The following KEAP1 variants were observed in gnomAD, a reference collection of about 807,000 sequenced individuals.
KEAP1 encodes kelch-like ECH-associated protein 1.
In KEAP1, 26 loss-of-function variants were observed where a neutral mutation model predicts 59.7. The observed-to-expected ratio is 0.44, with a 90% CI of 0.32 to 0.60. The LOEUF (loss-of-function observed/expected upper bound fraction) is 0.60, where lower values mean the gene tolerates loss of function less well. Ranked by LOEUF, KEAP1 falls within the 20% of genes least tolerant of loss-of-function variation. KEAP1 has a pLI of 0.06. For synonymous variants in KEAP1, 350 were observed against 358.3 expected (o/e 0.98, Z 0.26); for missense variants, 539 against 871.4 (o/e 0.62, Z 4.80).
intron 2 of KEAP1, among the ~76,000 whole-genome samples, chr19:10,493,578 T>G (rs1914752141): frequency 1.4e-5 from 2 of 147,528 alleles, no homozygotes; most frequent in Non-Finnish European, 1.5e-5. Flanking sequence ...TTTTTTTTTT[T>G]TGAGATGGAG....
chr19:10,490,686 A>T (rs2144594057), intron 3 of KEAP1: 1 of 152,230 alleles, frequency 6.6e-6, no homozygotes, highest in South Asian at 2.1e-4. Context: ...CTACAGGTGC[A>T]CACCACCGTG....
intron 2 of KEAP1, among the ~76,000 whole-genome samples, chr19:10,495,281 A>T (rs1448496821): frequency 6.6e-6 from 1 of 152,136 alleles, no homozygotes; most frequent in Non-Finnish European, 1.5e-5. Flanking sequence ...CAAAGCACTG[A>T]GATTATACGC....
chr19:10,486,456 C>T lies in KEAP1; in HGVS notation c.*196G>A, dbSNP rs758919228. On this transcript the variant is annotated 3_prime_UTR_variant, in exon 6 of 6. Transcript: ENST00000171111. Reference sequence around the variant, plus strand: ...CCAGCCAGGCTGTCTTGGACACTCCCGGGGCTCCGCTGAGGGGCACATGAT... The same window carrying T: ...CCAGCCAGGCTGTCTTGGACACTCCTGGGGCTCCGCTGAGGGGCACATGAT... 1.1e-5 allele frequency: 7 copies of T among 629,522 alleles called. No homozygotes were observed. Among genetic ancestry groups the T allele is most frequent in the South Asian group, 3.7e-5 (2 of 54,326 alleles). 39.0% of individuals were successfully genotyped at this position (629,522 alleles called of 1,614,324 possible). A position where few individuals can be genotyped will look rare whatever the true frequency, so the allele number is the denominator to read the frequency against.
intron 2 of KEAP1, among the ~76,000 whole-genome samples, chr19:10,493,315 C>T (rs936616766): frequency 1.3e-5 from 2 of 149,542 alleles, no homozygotes; most frequent in Admixed American, 6.7e-5. Context: ...CCCGCGACCA[C>T]GCCCAGCTAA....
rs1173683506 is a variant in KEAP1 at position 10,498,437 on chromosome 19, C to T, written c.639+958G>A. Among the ~76,000 whole-genome samples, 4 of 152,030 alleles carry T rather than the reference C, an allele frequency of 2.6e-5. No homozygotes were observed. In the East Asian group the frequency reaches 5.8e-4, roughly 22 times the overall value. On this transcript the variant is annotated intron_variant, in intron 2 of 5. Coordinates refer to ENST00000171111, the MANE Select transcript of KEAP1 (RefSeq NM_203500.2). ...GGTCAGGCTGGTCTCAAACTCCTGA[C>T]CTCAGGTGAGCCACCCGCCTCAGCC...
chr19:10,502,989 C>T lies in KEAP1; in HGVS notation c.-48+252G>A, dbSNP rs1915097710. 1 of 152,074 alleles carries T rather than the reference C, an allele frequency of 6.6e-6. No homozygotes were observed. The allele number at this position is 152,074 out of a possible 1,614,324, so 9.4% of individuals were successfully genotyped here. Reference sequence around the variant, plus strand: ...CCTGAGCGCGCTTAGCCGCGTGGTCCGAGTCGCGGGGAGTCTGAACCCCGA... The same window carrying T: ...CCTGAGCGCGCTTAGCCGCGTGGTCTGAGTCGCGGGGAGTCTGAACCCCGA... On this transcript the variant is annotated intron_variant, in intron 1 of 5. Coordinates refer to ENST00000171111, the MANE Select transcript of KEAP1 (RefSeq NM_203500.2). This position sits in a 1 kb window ranked among gnomAD's most constrained non-coding sequence, Gnocchi z 4.0.
chr19:10,500,081 C>G lies in KEAP1; in HGVS notation c.-47-1G>C, dbSNP rs2144632187. On this transcript the variant is annotated splice_acceptor_variant, in intron 1 of 5. Transcript: ENST00000171111. LOFTEE classifies it low-confidence loss of function (5UTR_SPLICE). ...ACCACCACCTCTGGCACTCAGGGAC[C>G]TGGAGGGGAGAGAGCACAGGGCAGA... 1.3e-6 allele frequency: 2 copies of G among 1,512,530 alleles called. No homozygotes were observed. The highest frequency in any genetic ancestry group is 1.8e-6 in the Non-Finnish European group (2 of 1,131,502). The allele number at this position is 1,512,530 out of a possible 1,614,324, so 93.7% of individuals were successfully genotyped here. A position where few individuals can be genotyped will look rare whatever the true frequency, so the allele number is the denominator to read the frequency against.
In KEAP1 at chr19:10,489,724, A is replaced by C. The variant is rs141127507; in HGVS notation, c.1455T>G (p.Asn485Lys). 6.2e-7 allele frequency: 1 copy of C among 1,613,892 alleles called. No homozygotes were observed. The highest frequency in any genetic ancestry group is 1.3e-5 in the African/African-American group (1 of 74,918). The change falls in exon 4 of 6, where the codon AAT (asparagine) becomes AAG (lysine). Residue 485 changes from asparagine to lysine, a missense_variant. Physicochemically the swap from Asn to Lys is moderately conservative, Grantham distance 94 (BLOSUM62 0). This residue lies in a region of KEAP1 where 311 missense variants were observed against 425.2 expected (regional missense o/e 0.73). Transcript: ENST00000171111. ...VGGFDGTNRL[N>K]SAECYYPERN... is the part of the protein sequence containing the mutation. Reference sequence around the variant, plus strand: ...TCTCTGGGTAGTAACACTCAGCTGAATTAAGGCGGTTTGTCCCGTCAAAGC... The same window carrying C: ...TCTCTGGGTAGTAACACTCAGCTGACTTAAGGCGGTTTGTCCCGTCAAAGC...
chr19:10,502,926 A>G lies in KEAP1; in HGVS notation c.-48+315T>C, dbSNP rs919890730. On this transcript the variant is annotated intron_variant, in intron 1 of 5. Transcript: ENST00000171111. The surrounding 1 kb of genome is among the most constrained non-coding windows in gnomAD (Gnocchi z 4.0). ...GCTGTCGCCCAGCTGCGCGGCCACC[A>G]CGGCGCCCAGCATGGCGGCGGGGCG... The G allele has an allele frequency of 4.7e-4, 72 of 152,118 alleles. No individual in the cohort carries two copies. The highest frequency in any genetic ancestry group is 1.7e-3 in the African/African-American group (70 of 41,528). 9.4% of individuals were successfully genotyped at this position (152,118 alleles called of 1,614,324 possible).
At chr19:10,488,699 G>A (rs371641313) in intron 5 of KEAP1, among the ~76,000 whole-genome samples, 2 of 152,082 alleles carry the variant, frequency 1.3e-5, no homozygotes, top group Admixed American at 6.6e-5. Context: ...TTGGGAGGCC[G>A]AGGCAGGTGG....
chr19:10,486,306 G>T lies in KEAP1; in HGVS notation c.*346C>A. On this transcript the variant is annotated 3_prime_UTR_variant, in exon 6 of 6. Transcript: ENST00000171111. Reference sequence around the variant, plus strand: ...TGAGGCCCCCATTGGCCCCCTCCCAGGTATCCAAGAATAAATCACATGGTG... The same window carrying T: ...TGAGGCCCCCATTGGCCCCCTCCCATGTATCCAAGAATAAATCACATGGTG... 1 of 264,672 alleles carries T rather than the reference G, an allele frequency of 3.8e-6. No homozygotes were observed. Among genetic ancestry groups the T allele is most frequent in the Non-Finnish European group, 7.2e-6 (1 of 138,714 alleles). 16.4% of individuals were successfully genotyped at this position (264,672 alleles called of 1,614,324 possible).
In KEAP1 at chr19:10,502,054, T is replaced by C. The variant is rs73512837; in HGVS notation, c.-48+1187A>G. 6.9e-4 allele frequency among the ~76,000 whole-genome samples: 105 copies of C among 152,282 alleles called. No individual in the cohort carries two copies. Among genetic ancestry groups the C allele is most frequent in the African/African-American group, 2.3e-3 (96 of 41,572 alleles). ...TCGTCCCCGGCCCCAGCGCCTCAAA[T>C]GGCAGGGAGACCTATGTAGGTCGGC... On this transcript the variant is annotated intron_variant, in intron 1 of 5. Transcript: ENST00000171111. The surrounding 1 kb of genome is among the most constrained non-coding windows in gnomAD (Gnocchi z 4.0).
chr19:10,489,323 T>C lies in KEAP1; in HGVS notation c.1577A>G (p.Asp526Gly), dbSNP rs1914588952. ...CACGCTGTTCAGCTGGTCCTGACCA[T>C]CATAGCCCCCAGCAGCATAGATACA... ...HNCIYAAGGY[D>G]GQDQLNSVER... The change falls in exon 5 of 6, where the codon GAT (aspartate) becomes GGT (glycine). Residue 526 changes from aspartate to glycine, a missense_variant. By Grantham distance (94) the Asp-to-Gly change is moderately conservative (BLOSUM62 -1). Coordinates refer to ENST00000171111, the MANE Select transcript of KEAP1 (RefSeq NM_203500.2). 3.7e-6 allele frequency: 6 copies of C among 1,613,946 alleles called. No homozygotes were observed. Among genetic ancestry groups the C allele is most frequent in the Non-Finnish European group, 4.2e-6 (5 of 1,179,976 alleles).
In KEAP1 at chr19:10,503,267, C is replaced by T. The variant is rs888928591; in HGVS notation, c.-74G>A. On this transcript the variant is annotated 5_prime_UTR_variant, in exon 1 of 6. Coordinates refer to ENST00000171111, the MANE Select transcript of KEAP1 (RefSeq NM_203500.2). This position sits in a 1 kb window ranked among gnomAD's most constrained non-coding sequence, Gnocchi z 4.3. ...TTGGCTGTAGGGGACCCGCGGGCGC[C>T]TCCGCCGTCGGGGGGCCTCGGCTCC... 12 of 152,440 alleles carry T rather than the reference C, an allele frequency of 7.9e-5. No individual in the cohort carries two copies. The East Asian group carries it at 2.3e-3, about 29-fold the overall frequency. 9.4% of individuals were successfully genotyped at this position (152,440 alleles called of 1,614,324 possible).
intron 3 of KEAP1, chr19:10,490,914 T>G (rs1159424203): frequency 6.6e-6 from 1 of 152,188 alleles, no homozygotes; most frequent in Non-Finnish European, 1.5e-5. Flanking sequence ...AGCATCACTC[T>G]TTGATGCTCA....
chr19:10,486,853 TCA>T (rs781381259), intron 5 of KEAP1, 35 bp from the exon 6 acceptor site: 11 of 1,590,750 alleles, frequency 6.9e-6, no homozygotes, highest in Non-Finnish European at 7.7e-6. Context: ...TCACCACCTG[TCA>T]CACCACATCC....
rs1285893434 is a variant in KEAP1 at position 10,501,519 on chromosome 19, A to G, written c.-47-1439T>C. Among the ~76,000 whole-genome samples, 3 of 149,438 alleles carry G rather than the reference A, an allele frequency of 2.0e-5. No individual in the cohort carries two copies. The East Asian group carries it at 6.4e-4, about 32-fold the overall frequency. On this transcript the variant is annotated intron_variant, in intron 1 of 5. Coordinates refer to ENST00000171111, the MANE Select transcript of KEAP1 (RefSeq NM_203500.2). ...GCGGCGGGCGCCTGTAGTCCCAGCT[A>G]CATGGGAGGCTGAGGCGGGAGAAAG...
rs1187679631 is a variant in KEAP1, at chr19:10,491,774, G to A, written c.1128C>T (p.Ala376=). ...CGGGCGAGTTGTTCCTGCCGCCCAC[G>A]GCGTACAACAGCCCGCCCACCACGC... ...AGCVVGGLLY[A]VGGRNNSPDG... is the part of the protein sequence containing the mutation. Residue 376 remains alanine (A), a synonymous_variant, in exon 3 of 6, where the codon GCC becomes GCT. Coordinates refer to ENST00000171111, the MANE Select transcript of KEAP1 (RefSeq NM_203500.2). The surrounding 1 kb of genome is among the most constrained non-coding windows in gnomAD (Gnocchi z 5.2). 7 of 1,577,254 alleles carry A rather than the reference G, an allele frequency of 4.4e-6. No homozygotes were observed. Among genetic ancestry groups the A allele is most frequent in the African/African-American group, 4.1e-5 (3 of 73,982 alleles).
intron 2 of KEAP1, among the ~76,000 whole-genome samples, chr19:10,494,845 G>A (rs1406665404): frequency 4.7e-5 from 7 of 149,786 alleles, no homozygotes; most frequent in Non-Finnish European, 8.9e-5. Context: ...TAGTAGAGAC[G>A]GGGTTTCACC....
Sources: gnomAD v4.1 joint callset for allele counts (sites outside exome capture counted in the v4.1 genomes callset) on GRCh38, gnomAD v4.1.1 for gene constraint, gnomAD v4.1.1 regional missense constraint, Gnocchi (gnomAD v3.1) non-coding constraint, MANE v1.5 for transcripts, NCBI Gene and HGNC (gene_info 2026-07-23, HGNC 2026-07-21) for gene names.